Variants in CXXC5 observed in about 807,000 individuals in gnomAD.
CXXC5 encodes the protein CXXC finger protein 5.
A neutral mutation model predicts 17.6 loss-of-function variants in CXXC5; 2 were observed. The ratio of observed to expected loss-of-function variants is 0.11; its 90% CI spans 0.05 to 0.36. The LOEUF (loss-of-function observed/expected upper bound fraction) is 0.36. CXXC5 is among the 10% of genes least tolerant of loss of function. CXXC5 has a pLI of 1.00. For synonymous variants in CXXC5, 171 were observed against 193.0 expected (o/e 0.89, Z 0.94); for missense variants, 343 against 458.3 (o/e 0.75, Z 2.30).
At position 139,682,926 on chromosome 5, in the gene CXXC5, C is replaced by A; in HGVS notation, c.*19C>A. 6.3e-7 allele frequency: 1 copy of A among 1,578,720 alleles called. No individual in the cohort carries two copies. The highest frequency in any genetic ancestry group is 1.8e-5 in the Admixed American group (1 of 55,918). ...TCAGTGACGGCGGCGGAACCCAAAG[C>A]TGCCCTCTCCGTGCAATGTCACTGC... On this transcript the variant is annotated 3_prime_UTR_variant, in exon 3 of 3. Coordinates refer to ENST00000302517, the MANE Select transcript of CXXC5 (RefSeq NM_016463.9).
At chr5:139,671,725 C>G (rs562733654) in intron 1 of CXXC5, among the ~76,000 whole-genome samples, 18 of 152,266 alleles carry the variant, frequency 1.2e-4, no homozygotes, top group Non-Finnish European at 2.2e-4. Context: ...GCAGACTTCT[C>G]TGCAACAGGG....
In CXXC5 at chr5:139,680,852, C is replaced by T. The variant is rs754738616; in HGVS notation, c.329C>T (p.Ala110Val). 2 of 1,610,386 alleles carry T rather than the reference C, an allele frequency of 1.2e-6. No individual in the cohort carries two copies. Among genetic ancestry groups the T allele is most frequent in the South Asian group, 1.1e-5 (1 of 91,076 alleles). The change falls in exon 2 of 3, where the codon GCC (alanine) becomes GTC (valine). Residue 110 changes from alanine (A) to valine (V), a missense_variant. Physicochemically the swap from Ala to Val is moderately conservative, Grantham distance 64. Transcript: ENST00000302517. ...ESADKATAAA[A>V]AASLLANGHD... Reference sequence around the variant, plus strand: ...GCTGACAAGGCCACTGCGGCTGCAGCCGCTGCCTCCCTGTTGGCCAATGGG... The same window carrying T: ...GCTGACAAGGCCACTGCGGCTGCAGTCGCTGCCTCCCTGTTGGCCAATGGG...
At chr5:139,675,827 G>A (rs1307645302) in intron 1 of CXXC5, among the ~76,000 whole-genome samples, 1 of 152,136 alleles carries the variant, frequency 6.6e-6, no homozygotes, top group Non-Finnish European at 1.5e-5. Flanking sequence ...CAGGGCCTGG[G>A]ACACAGTAGA....
At chr5:139,682,542 T>C (rs1314781588) in intron 2 of CXXC5, among the ~76,000 whole-genome samples, 1 of 152,186 alleles carries the variant, frequency 6.6e-6, no homozygotes, top group Non-Finnish European at 1.5e-5. Flanking sequence ...TCGCACGTGC[T>C]CACACGCTCA....
chr5:139,652,049 T>TC (rs1488504952), intron 1 of CXXC5, among the ~76,000 whole-genome samples: 1 of 151,910 alleles, frequency 6.6e-6, no homozygotes, highest in African/African-American at 2.4e-5. Context: ...CCGCCCCGTT[T>TC]CCCCGCCCCC....
At chr5:139,654,204 G>A (rs769521392) in intron 1 of CXXC5, among the ~76,000 whole-genome samples, 1 of 152,130 alleles carries the variant, frequency 6.6e-6, no homozygotes, top group African/African-American at 2.4e-5. Flanking sequence ...GACCTTTTCT[G>A]GGTGTCCCTT....
Position 139,680,836 on chromosome 5 carries a change from G to C in CXXC5, c.313G>C (p.Ala105Pro). ...GATGGGCGGAGAGTCTGCTGACAAG[G>C]CCACTGCGGCTGCAGCCGCTGCCTC... Reference protein sequence around the residue: ...SMMGGESADKATAAAAAASLL... With the variant: ...SMMGGESADKPTAAAAAASLL... The change falls in exon 2 of 3, where the codon GCC becomes CCC. Residue 105 changes from alanine (A) to proline (P), a missense_variant. Ala to Pro is a conservative substitution (Grantham distance 27, BLOSUM62 -1). This residue lies in a region of CXXC5 where 297 missense variants were observed against 363.4 expected (regional missense o/e 0.82). Transcript: ENST00000302517. 6.2e-7 allele frequency: 1 copy of C among 1,611,722 alleles called. No individual in the cohort carries two copies. Among genetic ancestry groups the C allele is most frequent in the Non-Finnish European group, 8.5e-7 (1 of 1,179,992 alleles).
upstream of CXXC5, chr5:139,648,340 G>C (rs1375557982): frequency 3.8e-5 from 6 of 158,014 alleles, no homozygotes; most frequent in African/African-American, 1.4e-4. Context: ...GCCCGGGCGG[G>C]CGCGCGGCGG....
chr5:139,655,769 T>TGCCG (rs1393089762), intron 1 of CXXC5, among the ~76,000 whole-genome samples: 2 of 140,130 alleles, frequency 1.4e-5, no homozygotes, highest in Non-Finnish European at 3.1e-5. Context: ...CCACCAGCTG[T>TGCCG]GCCGGCCGGC....
intron 1 of CXXC5, among the ~76,000 whole-genome samples, chr5:139,669,105 C>T (rs1364304034): frequency 1.3e-5 from 2 of 152,134 alleles, no homozygotes; most frequent in African/African-American, 2.4e-5. Flanking sequence ...CACTGAGGCA[C>T]GTTGTTTGCT....
At chr5:139,651,969 A>G (rs2126736526) in intron 1 of CXXC5, among the ~76,000 whole-genome samples, 1 of 152,200 alleles carries the variant, frequency 6.6e-6, no homozygotes, top group African/African-American at 2.4e-5. Flanking sequence ...TGTGTATCAA[A>G]CCCCACCCTT....
chr5:139,671,154 C>T (rs1756444532), intron 1 of CXXC5, among the ~76,000 whole-genome samples: 1 of 152,220 alleles, frequency 6.6e-6, no homozygotes, highest in Admixed American at 6.5e-5. Flanking sequence ...TCACTGTGTA[C>T]ACCACTTTAG....
In CXXC5 at chr5:139,661,767, C is replaced by T. The variant is rs1273992072; in HGVS notation, c.-161+12922C>T. Reference sequence around the variant, plus strand: ...GTGTTTAGGCTTACACGGAAGAGGCCCGGCCTTCAGCCATGTTGTGTCCAC... The same window carrying T: ...GTGTTTAGGCTTACACGGAAGAGGCTCGGCCTTCAGCCATGTTGTGTCCAC... On this transcript the variant is annotated intron_variant, in intron 1 of 2. Coordinates refer to ENST00000302517, the MANE Select transcript of CXXC5 (RefSeq NM_016463.9). This position sits in a 1 kb window ranked among gnomAD's most constrained non-coding sequence, Gnocchi z 4.7. Among the ~76,000 whole-genome samples the T allele has an allele frequency of 6.6e-6, 1 of 152,236 alleles. No individual in the cohort carries two copies. The highest frequency in any genetic ancestry group is 6.5e-5 in the Admixed American group (1 of 15,290).
rs1755622833 is a variant in CXXC5, at chr5:139,658,718, T to TGACTCATGGCCGCCTGCAGCTCCCCCTCC, written c.-161+9874_-161+9902dup. ...CCGGGCGGCTTCCCAGCTCCCCCTCTGACTCATGGCCGCCTGCAGCTCCCC... is the reference window on the plus strand; with the variant it reads ...CCGGGCGGCTTCCCAGCTCCCCCTCTGACTCATGGCCGCCTGCAGCTCCCCCTCCGACTCATGGCCGCCTGCAGCTCCCC... On this transcript the variant is annotated intron_variant, in intron 1 of 2. Coordinates refer to ENST00000302517, the MANE Select transcript of CXXC5 (RefSeq NM_016463.9). This position sits in a 1 kb window ranked among gnomAD's most constrained non-coding sequence, Gnocchi z 4.1. Among the ~76,000 whole-genome samples the TGACTCATGGCCGCCTGCAGCTCCCCCTCC allele has an allele frequency of 6.6e-6, 1 of 152,234 alleles. No individual in the cohort carries two copies. The highest frequency in any genetic ancestry group is 2.4e-5 in the African/African-American group (1 of 41,468).
rs764233172 is a variant in CXXC5 at position 139,680,556 on chromosome 5, C to T, written c.33C>T (p.Ala11=). Residue 11 remains alanine (A), a synonymous_variant, in exon 2 of 3, where the codon GCC becomes GCT. Coordinates refer to ENST00000302517, the MANE Select transcript of CXXC5 (RefSeq NM_016463.9). MSSLGGGSQD[A]GGSSSSSTNG... Reference sequence around the variant, plus strand: ...GCCTCGGCGGTGGCTCCCAGGATGCCGGCGGCAGTAGCAGCAGCAGCACCA... The same window carrying T: ...GCCTCGGCGGTGGCTCCCAGGATGCTGGCGGCAGTAGCAGCAGCAGCACCA... The T allele has an allele frequency of 1.2e-5, 19 of 1,576,482 alleles. No individual in the cohort carries two copies. Among genetic ancestry groups the T allele is most frequent in the South Asian group, 3.4e-5 (3 of 87,574 alleles).
At chr5:139,675,336 G>GC (rs1196701794) in intron 1 of CXXC5, 1 of 152,214 alleles carries the variant, frequency 6.6e-6, no homozygotes, top group Non-Finnish European at 1.5e-5. Flanking sequence ...ATTGAACCCT[G>GC]CGGGGGGTGA....
intron 1 of CXXC5, among the ~76,000 whole-genome samples, chr5:139,662,068 T>C (rs1296884802): frequency 1.5e-5 from 2 of 133,020 alleles, no homozygotes; most frequent in African/African-American, 6.8e-5. Context: ...ACCTGGGGCA[T>C]GGGGTCCTTG....
rs1756405275 is a variant in CXXC5 at position 139,670,551 on chromosome 5, C to T, written c.-160-9813C>T. 2.0e-5 allele frequency among the ~76,000 whole-genome samples: 3 copies of T among 152,214 alleles called. No homozygotes were observed. Among genetic ancestry groups the T allele is most frequent in the Admixed American group, 6.5e-5 (1 of 15,282 alleles). On this transcript the variant is annotated intron_variant, in intron 1 of 2. Transcript: ENST00000302517. This position sits in a 1 kb window ranked among gnomAD's most constrained non-coding sequence, Gnocchi z 4.2. The stretch of plus-strand genomic sequence containing the variant: ...CCCCAGACTCATACAGCCCAGAGCT[C>T]CTGACACAACTCACAGTGCATGCGG...
rs565261171 is a variant in CXXC5 at position 139,677,507 on chromosome 5, A to G, written c.-160-2857A>G. On this transcript the variant is annotated intron_variant, in intron 1 of 2. Coordinates refer to ENST00000302517, the MANE Select transcript of CXXC5 (RefSeq NM_016463.9). ...AGCCAGGTATCAGGGCCGATTTGGA[A>G]CAAGCTTGAGGACCAGATGTTCATG... Among the ~76,000 whole-genome samples the G allele has an allele frequency of 1.3e-3, 197 of 152,308 alleles. 1 individual carries two copies. The highest frequency in any genetic ancestry group is 4.4e-3 in the African/African-American group (181 of 41,566).
Sources: gnomAD v4.1 joint callset for allele counts (sites outside exome capture counted in the v4.1 genomes callset) on GRCh38, gnomAD v4.1.1 for gene constraint, gnomAD v4.1.1 regional missense constraint, Gnocchi (gnomAD v3.1) non-coding constraint, MANE v1.5 for transcripts, NCBI Gene and HGNC (gene_info 2026-07-23, HGNC 2026-07-21) for gene names.